Variants in PRKCH observed in about 807,000 individuals in gnomAD.
PRKCH encodes the protein protein kinase C eta.
Under a neutral mutation model 82.5 loss-of-function variants are expected in PRKCH, and 28 were observed. That is an observed-to-expected ratio of 0.34 (90% CI 0.25 to 0.47). PRKCH has a LOEUF of 0.47. PRKCH is among the 20% of genes least tolerant of loss of function. The pLI is 1.00. For missense variants in PRKCH, 705 were observed against 881.8 expected, an observed-to-expected ratio of 0.80 and a Z score of 2.54; for synonymous variants, 322 against 327.4, an observed-to-expected ratio of 0.98 and a Z score of 0.18.
intron 1 of PRKCH, among the ~76,000 whole-genome samples, chr14:61,376,215 C>T (rs2046426607): frequency 6.6e-6 from 1 of 152,068 alleles, no homozygotes; most frequent in Non-Finnish European, 1.5e-5. Flanking sequence ...TCAGGGTAGC[C>T]AGCGTGCCTT....
intron 10 of PRKCH, among the ~76,000 whole-genome samples, chr14:61,513,527 T>C (rs563897916): frequency 1.3e-5 from 2 of 152,234 alleles, no homozygotes; most frequent in South Asian, 2.1e-4. Flanking sequence ...AAATGAGCTC[T>C]TCCATTTATC....
intron 1 of PRKCH, among the ~76,000 whole-genome samples, chr14:61,262,120 C>T (rs2045051476): frequency 1.3e-5 from 2 of 149,540 alleles, no homozygotes; most frequent in East Asian, 2.0e-4. Context: ...ACTTGGGAGG[C>T]GGAGGCAGGA....
At chr14:61,357,584 T>C (rs1951965) in intron 1 of PRKCH, among the ~76,000 whole-genome samples, 152,225 of 152,320 alleles carry the variant, frequency 1, 76,065 homozygotes, top group Non-Finnish European at 1. Flanking sequence ...CTCTGCGTTT[T>C]CCATTTTTGT....
At chr14:61,325,327 C>T (rs532492452) in intron 1 of PRKCH, among the ~76,000 whole-genome samples, 10 of 152,198 alleles carry the variant, frequency 6.6e-5, no homozygotes, top group East Asian at 1.9e-4. Flanking sequence ...CATATATGAC[C>T]CACTGATTTC....
intron 2 of PRKCH, among the ~76,000 whole-genome samples, chr14:61,405,959 A>G (rs1212723224): frequency 6.6e-6 from 1 of 152,194 alleles, no homozygotes; most frequent in Non-Finnish European, 1.5e-5. Flanking sequence ...ATGAAATGCC[A>G]AGAGGATCTG....
intron 9 of PRKCH, among the ~76,000 whole-genome samples, chr14:61,477,983 C>A (rs1479982483): frequency 6.6e-6 from 1 of 152,160 alleles, no homozygotes; most frequent in Non-Finnish European, 1.5e-5. Context: ...GCCTCGAGAC[C>A]CAGTGCATGC....
chr14:61,392,243 G>A (rs982934180), intron 2 of PRKCH, among the ~76,000 whole-genome samples: 1 of 151,844 alleles, frequency 6.6e-6, no homozygotes, highest in East Asian at 1.9e-4. Context: ...AATTTTTCTG[G>A]ACATAACACT....
intron 1 of PRKCH, among the ~76,000 whole-genome samples, chr14:61,350,054 C>T (rs532629816): frequency 1.4e-4 from 22 of 152,168 alleles, no homozygotes; most frequent in African/African-American, 5.1e-4. Context: ...GTTTTAAATG[C>T]CCCAAAGAAG....
intron 2 of PRKCH, among the ~76,000 whole-genome samples, chr14:61,416,634 A>C (rs1467827261): frequency 2.0e-5 from 3 of 151,712 alleles, no homozygotes; most frequent in Non-Finnish European, 4.4e-5. Context: ...ACCTCTTCCC[A>C]GCTCTCCCTC....
chr14:61,533,662 G>T (rs1231077691), intron 12 of PRKCH, among the ~76,000 whole-genome samples: 1 of 152,190 alleles, frequency 6.6e-6, no homozygotes, highest in Non-Finnish European at 1.5e-5. Flanking sequence ...TTGGGCAAAT[G>T]GCCTAATTCT....
chr14:61,218,502 T>G (rs1397410748), intron 1 of PRKCH, among the ~76,000 whole-genome samples: 6 of 152,180 alleles, frequency 3.9e-5, no homozygotes, highest in African/African-American at 1.4e-4. Flanking sequence ...TGGGCACAAA[T>G]GTATGCTTTT....
Position 61,399,497 on chromosome 14 carries a change from C to CT in PRKCH, c.427+8215dup, listed in dbSNP as rs541923322. On this transcript the variant is annotated intron_variant, in intron 2 of 13. Coordinates refer to ENST00000332981, the MANE Select transcript of PRKCH (RefSeq NM_006255.5). ...ACTAAAGTACTGTGCTTCAGAAAGA[C>CT]TTTTTTAAATTGCTAAATAAATAAT... is the stretch of plus-strand genomic sequence containing the variant. Among the ~76,000 whole-genome samples, 25 of 152,204 alleles carry CT rather than the reference C, an allele frequency of 1.6e-4. No individual in the cohort carries two copies. The East Asian group carries it at 4.4e-3, about 27-fold the overall frequency.
At position 61,455,518 on chromosome 14, in the gene PRKCH, T is replaced by C. The variant is rs564520154; in HGVS notation, c.961-1658T>C. On this transcript the variant is annotated intron_variant, in intron 7 of 13. Coordinates refer to ENST00000332981, the MANE Select transcript of PRKCH (RefSeq NM_006255.5). ...ATGTATTTGAAATCCGGTCTGTCTG[T>C]CTTGTGGGTAGGCGGGCAGGATGCC... Among the ~76,000 whole-genome samples the C allele has an allele frequency of 7.2e-5, 11 of 152,280 alleles. No individual in the cohort carries two copies. In the South Asian group the frequency reaches 2.3e-3, roughly 32 times the overall value.
chr14:61,540,435 C>A (rs2043168330), intron 12 of PRKCH, among the ~76,000 whole-genome samples: 1 of 152,198 alleles, frequency 6.6e-6, no homozygotes, highest in African/African-American at 2.4e-5. Flanking sequence ...AAGGGGAAGT[C>A]TAGCGTAGGG....
chr14:61,219,364 AAG>A (rs2044638173), intron 1 of PRKCH, among the ~76,000 whole-genome samples: 1 of 152,236 alleles, frequency 6.6e-6, no homozygotes, highest in Admixed American at 6.5e-5. Context: ...TCAGAAGTGA[AAG>A]AGCCATTCTG....
intron 10 of PRKCH, among the ~76,000 whole-genome samples, chr14:61,497,618 A>C (rs1886727551): frequency 6.6e-6 from 1 of 152,190 alleles, no homozygotes; most frequent in Admixed American, 6.5e-5. Flanking sequence ...GAAAGTTTTT[A>C]GTGCCCCTTT....
At chr14:61,511,741 T>A (rs1887386828) in intron 10 of PRKCH, among the ~76,000 whole-genome samples, 1 of 152,198 alleles carries the variant, frequency 6.6e-6, no homozygotes, top group Non-Finnish European at 1.5e-5. Context: ...CTGGCGCTTG[T>A]GACCTCCTTT....
intron 1 of PRKCH, among the ~76,000 whole-genome samples, chr14:61,311,649 A>G (rs960838834): frequency 2.6e-5 from 4 of 152,220 alleles, no homozygotes; most frequent in African/African-American, 9.6e-5. Flanking sequence ...CTGTTTTCAC[A>G]CTGCTACAAA....
intron 1 of PRKCH, among the ~76,000 whole-genome samples, chr14:61,202,607 G>A (rs1959668): frequency 0.03 from 4,631 of 152,046 alleles, 237 homozygotes; most frequent in African/African-American, 0.1. Context: ...GGTTTTTTTG[G>A]TGCTATGGAC....
Sources: allele counts gnomAD v4.1 joint callset (sites outside exome capture counted in the v4.1 genomes callset), GRCh38; gene constraint gnomAD v4.1.1; transcripts MANE v1.5; gene names NCBI Gene and HGNC (gene_info 2026-07-23, HGNC 2026-07-21).